The following POM121C variants were observed in gnomAD, a reference collection of about 807,000 sequenced individuals.
The protein encoded by POM121C is nuclear envelope pore membrane protein POM 121C.
Under a neutral mutation model 66.4 loss-of-function variants are expected in POM121C, and 20 were observed. The observed-to-expected ratio is 0.30, with a 90% CI of 0.21 to 0.44. The LOEUF is 0.44. POM121C is among the 20% of genes least tolerant of loss of function. The pLI, the probability that POM121C is intolerant of heterozygous loss-of-function variation, is 1.00. For missense variants in POM121C, 580 were observed against 1,225.7 expected, an observed-to-expected ratio of 0.47 and a Z score of 7.87; for synonymous variants, 286 against 528.0, an observed-to-expected ratio of 0.54 and a Z score of 6.28.
At position 75,452,599 on chromosome 7, in the gene POM121C, C is replaced by G. The variant is rs587742336; in HGVS notation, c.-151-10952G>C. Among the ~76,000 whole-genome samples, 4 of 152,202 alleles carry G rather than the reference C, an allele frequency of 2.6e-5. No homozygotes were observed. In the South Asian group the frequency reaches 8.3e-4, roughly 32 times the overall value. ...TCCCAATGCTAGAATGATCTTTGTT[C>G]GAGATCCAGGTTGCTGCTGCCACTA... On this transcript the variant is annotated intron_variant, in intron 3 of 14. Coordinates refer to ENST00000615331, the MANE Select transcript of POM121C (RefSeq NM_001099415.3).
At chr7:75,465,658 C>T (rs6946491) in intron 3 of POM121C, among the ~76,000 whole-genome samples, 1,968 of 150,384 alleles carry the variant, frequency 0.013, 23 homozygotes, top group Non-Finnish European at 0.016. Flanking sequence ...GAGGCTGAGG[C>T]AGGAGAGTCG....
At chr7:75,461,981 A>T (rs1343863952) in intron 3 of POM121C, among the ~76,000 whole-genome samples, 1 of 148,256 alleles carries the variant, frequency 6.7e-6, no homozygotes, top group Non-Finnish European at 1.5e-5. Flanking sequence ...CCATCCCCCC[A>T]CAGAAACATT....
chr7:75,419,121 C>T (rs1789587689), intron 14 of POM121C, among the ~76,000 whole-genome samples, 199 bp downstream of exon 14: 1 of 152,216 alleles, frequency 6.6e-6, no homozygotes, highest in South Asian at 2.1e-4. Flanking sequence ...CCATGGGAGG[C>T]AAACTTCCAC....
intron 3 of POM121C, among the ~76,000 whole-genome samples, chr7:75,458,788 A>C (rs1354009404): frequency 1.3e-5 from 2 of 152,176 alleles, no homozygotes; most frequent in African/African-American, 2.4e-5. Context: ...AGAACCAGAA[A>C]AATCCGAACC....
In POM121C at chr7:75,419,387, C is replaced by T. The variant is rs1045026; in HGVS notation, c.2799G>A (p.Ser933=). Residue 933 remains serine, a synonymous_variant, in exon 14 of 15, where the codon TCG becomes TCA. Transcript: ENST00000615331. ...QNTPAPGVGT[S]GSSLSFGASS... ...ATGCCCCAAAGGAGAGGCTGCTGCCCGATGTGCCCACTCCAGGCGCAGGGG... is the reference window on the plus strand; with the variant it reads ...ATGCCCCAAAGGAGAGGCTGCTGCCTGATGTGCCCACTCCAGGCGCAGGGG... The T allele has an allele frequency of 1.1e-4, 173 of 1,613,656 alleles. No homozygotes were observed. Among genetic ancestry groups the T allele is most frequent in the South Asian group, 2.3e-4 (21 of 91,038 alleles).
intron 3 of POM121C, among the ~76,000 whole-genome samples, chr7:75,448,464 A>G (rs1292993475): frequency 1.5e-5 from 2 of 130,820 alleles, no homozygotes; most frequent in African/African-American, 6.0e-5. Context: ...AAAAGGGCAG[A>G]GTAGACAGCT....
chr7:75,424,230 G>C lies in POM121C; in HGVS notation c.872-5C>G. On this transcript the variant is annotated splice_polypyrimidine_tract_variant and splice_region_variant and intron_variant, in intron 11 of 14. Coordinates refer to ENST00000615331, the MANE Select transcript of POM121C (RefSeq NM_001099415.3). ...TGACAGAGTTCGAGGCAGCATCTAAGAAAGAAAGAAAGGTGAAGCAGTCCT... is the reference window on the plus strand; with the variant it reads ...TGACAGAGTTCGAGGCAGCATCTAACAAAGAAAGAAAGGTGAAGCAGTCCT... 1 of 1,608,338 alleles carries C rather than the reference G, an allele frequency of 6.2e-7. No homozygotes were observed.
intron 3 of POM121C, among the ~76,000 whole-genome samples, chr7:75,447,906 C>G (rs1487083003): frequency 6.6e-6 from 1 of 152,030 alleles, no homozygotes; most frequent in South Asian, 2.1e-4. Flanking sequence ...CGCCTGTAGT[C>G]CCAGCTGCTC....
rs1351578884 is a variant in POM121C at position 75,417,183 on chromosome 7, G to A, written c.*1613C>T. The A allele has an allele frequency of 4.1e-6, 4 of 975,888 alleles. No individual in the cohort carries two copies. The highest frequency in any genetic ancestry group is 4.9e-6 in the Non-Finnish European group (4 of 817,398). The allele number at this position is 975,888 out of a possible 1,614,324, so 60.5% of individuals were successfully genotyped here. A position where few individuals can be genotyped will look rare whatever the true frequency, so the allele number is the denominator to read the frequency against. On this transcript the variant is annotated 3_prime_UTR_variant, in exon 15 of 15. Coordinates refer to ENST00000615331, the MANE Select transcript of POM121C (RefSeq NM_001099415.3). ...AACACTCGCCCTCAGTCACAACGGG[G>A]AGGGGGCACCGGTTACATCTACATC... is the stretch of plus-strand genomic sequence containing the variant.
chr7:75,431,477 C>T (rs1790174719), intron 7 of POM121C, among the ~76,000 whole-genome samples: 1 of 151,630 alleles, frequency 6.6e-6, no homozygotes, highest in African/African-American at 2.4e-5. Flanking sequence ...GTGGTGCATG[C>T]GTGTGGTCCC....
At chr7:75,450,556 T>C (rs1450745567) in intron 3 of POM121C, among the ~76,000 whole-genome samples, 2 of 152,120 alleles carry the variant, frequency 1.3e-5, no homozygotes, top group Admixed American at 6.5e-5. Flanking sequence ...AAAGGCAAAC[T>C]TCAAAGACTG....
At chr7:75,454,982 C>G (rs1791154103) in intron 3 of POM121C, among the ~76,000 whole-genome samples, 1 of 152,242 alleles carries the variant, frequency 6.6e-6, no homozygotes, top group African/African-American at 2.4e-5. Context: ...TCTCCATAGT[C>G]ACATCCAAGA....
intron 6 of POM121C, among the ~76,000 whole-genome samples, chr7:75,438,676 G>C (rs1215630474): frequency 6.6e-5 from 10 of 152,166 alleles, no homozygotes; most frequent in African/African-American, 2.2e-4. Context: ...GCACAGACCA[G>C]GAGCACTTTA....
chr7:75,442,629 G>GCCCGCCGCAGCCCCGGCCCCGGCCGT (rs1790698535), intron 3 of POM121C: 1 of 1,485,770 alleles, frequency 6.7e-7, no homozygotes, highest in Non-Finnish European at 8.9e-7. Flanking sequence ...GCCCCGGCCG[G>GCCCGCCGCAGCCCCGGCCCCGGCCGT]CCCGCCGCAG....
chr7:75,481,750 C>T (rs1174035887), intron 1 of POM121C, among the ~76,000 whole-genome samples: 1 of 152,070 alleles, frequency 6.6e-6, no homozygotes, highest in Non-Finnish European at 1.5e-5. Context: ...CACTTGAGCA[C>T]AGGAGTTTGA....
chr7:75,450,089 C>G (rs1790971572), intron 3 of POM121C, among the ~76,000 whole-genome samples: 1 of 152,114 alleles, frequency 6.6e-6, no homozygotes, highest in African/African-American at 2.4e-5. Flanking sequence ...AGCAAGAAGG[C>G]AGCTATCTGC....
intron 3 of POM121C, among the ~76,000 whole-genome samples, chr7:75,462,953 G>A (rs1791495881): frequency 6.6e-6 from 1 of 152,066 alleles, no homozygotes; most frequent in Admixed American, 6.6e-5. Context: ...ATAGACCTGA[G>A]AAAGGATGCT....
intron 3 of POM121C, among the ~76,000 whole-genome samples, chr7:75,449,120 G>A (rs1463635635): frequency 8.1e-5 from 12 of 148,966 alleles, no homozygotes; most frequent in Admixed American, 1.3e-4. Flanking sequence ...GGCTGCATTC[G>A]CAGTGTGGGG....
At chr7:75,440,002 T>G (rs1790570741) in intron 5 of POM121C, among the ~76,000 whole-genome samples, 1 of 150,874 alleles carries the variant, frequency 6.6e-6, no homozygotes, top group Non-Finnish European at 1.5e-5. Flanking sequence ...TGTCTCAGCC[T>G]CTGGAGTAGC....
Sources: gnomAD v4.1 joint callset for allele counts (sites outside exome capture counted in the v4.1 genomes callset) on GRCh38, gnomAD v4.1.1 for gene constraint, MANE v1.5 for transcripts, NCBI Gene and HGNC (gene_info 2026-07-23, HGNC 2026-07-21) for gene names.